Variants in ZMIZ1 observed in about 807,000 individuals in gnomAD.
ZMIZ1 encodes zinc finger MIZ domain-containing protein 1.
A neutral mutation model predicts 113.9 loss-of-function variants in ZMIZ1; 17 were observed. The observed-to-expected ratio is 0.15, with a 90% CI of 0.10 to 0.22. ZMIZ1 has a LOEUF of 0.22. Among genes scored for constraint, ZMIZ1 ranks in the 10% least tolerant of loss-of-function variants. ZMIZ1 has a pLI of 1.00. For synonymous variants in ZMIZ1, 607 were observed against 603.1 expected (o/e 1.01, Z -0.09); for missense variants, 1,059 against 1,477.8 (o/e 0.72, Z 4.65).
chr10:79,201,732 T>TG (rs1564716222), intron 5 of ZMIZ1, 40 bp downstream of exon 5: 1 of 1,603,152 alleles, frequency 6.2e-7, no homozygotes, highest in South Asian at 1.1e-5. Flanking sequence ...GCGGGGCAGA[T>TG]GGGGCGGGCT....
chr10:79,277,834 G>A (rs1852398765), intron 8 of ZMIZ1, among the ~76,000 whole-genome samples: 2 of 152,236 alleles, frequency 1.3e-5, no homozygotes, highest in South Asian at 4.1e-4. Context: ...ACCTGTGCCA[G>A]CCTCAGAAGG....
Position 79,158,863 on chromosome 10 carries a change from C to G in ZMIZ1, c.-130-3190C>G, listed in dbSNP as rs563667191. Among the ~76,000 whole-genome samples the G allele has an allele frequency of 3.9e-3, 591 of 152,358 alleles. 16 individuals carry two copies. Among genetic ancestry groups the G allele is most frequent in the Admixed American group, 2.2e-3 (33 of 15,308 alleles). On this transcript the variant is annotated intron_variant, in intron 3 of 24. Coordinates refer to ENST00000334512, the MANE Select transcript of ZMIZ1 (RefSeq NM_020338.4). ...TTCCAGCTGGACACCTCTGGCAGCC[C>G]CATCCTTCTCAGTGTCATGTTCTGC...
intron 16 of ZMIZ1, among the ~76,000 whole-genome samples, chr10:79,299,987 C>T (rs1466525003): frequency 1.3e-5 from 2 of 150,524 alleles, no homozygotes; most frequent in Admixed American, 1.3e-4. Flanking sequence ...AGCGCAAGAG[C>T]TGGGTCTGTG....
chr10:79,141,569 G>C (rs977890458), intron 3 of ZMIZ1, among the ~76,000 whole-genome samples: 3 of 152,062 alleles, frequency 2.0e-5, no homozygotes, highest in African/African-American at 4.8e-5. Context: ...CATCATGCCT[G>C]GCTAATTAGT....
intron 5 of ZMIZ1, among the ~76,000 whole-genome samples, chr10:79,203,009 G>T (rs568498699): frequency 6.6e-6 from 1 of 152,334 alleles, no homozygotes; most frequent in South Asian, 2.1e-4. Flanking sequence ...CCTGGTGTGT[G>T]GTGTCCATTG....
intron 1 of ZMIZ1, among the ~76,000 whole-genome samples, chr10:79,086,305 C>A (rs1842812412): frequency 6.6e-6 from 1 of 152,182 alleles, no homozygotes; most frequent in African/African-American, 2.4e-5. Flanking sequence ...ACTCCCTCAG[C>A]CCTCAGCCTT....
At chr10:79,265,470 T>C (rs1183897031) in intron 7 of ZMIZ1, among the ~76,000 whole-genome samples, 4 of 141,094 alleles carry the variant, frequency 2.8e-5, no homozygotes, top group African/African-American at 1.1e-4. Context: ...TTTCTTTTCT[T>C]TTTTTTTTTT....
chr10:79,112,014 G>A (rs1843765832), intron 1 of ZMIZ1, among the ~76,000 whole-genome samples: 1 of 152,246 alleles, frequency 6.6e-6, no homozygotes, highest in Admixed American at 6.5e-5. Context: ...AAAGGCCCTG[G>A]GGCATGAACA....
At chr10:79,304,952 G>A (rs992457453) in intron 19 of ZMIZ1, among the ~76,000 whole-genome samples, 1 of 152,166 alleles carries the variant, frequency 6.6e-6, no homozygotes, top group East Asian at 1.9e-4. Context: ...TTTGGGGCAT[G>A]GGAGGTGGTG....
intron 2 of ZMIZ1, among the ~76,000 whole-genome samples, chr10:79,133,328 C>G (rs928309310): frequency 2.6e-5 from 4 of 152,200 alleles, no homozygotes; most frequent in Non-Finnish European, 5.9e-5. Context: ...ATTGGGTGCT[C>G]TGCTGGTCTG....
At chr10:79,290,894 A>G (rs537729747) in intron 9 of ZMIZ1, 65 bp from the exon 10 acceptor site, 32 of 1,576,066 alleles carry the variant, frequency 2.0e-5, no homozygotes, top group African/African-American at 4.0e-5. Flanking sequence ...CTCTTCATTT[A>G]TCCCTCTTCC....
At chr10:79,241,799 C>T (rs188914894) in intron 7 of ZMIZ1, among the ~76,000 whole-genome samples, 1 of 152,162 alleles carries the variant, frequency 6.6e-6, no homozygotes, top group Admixed American at 6.5e-5. Context: ...CAGCCAGAGG[C>T]TGAGGCTGAG....
rs1554846541 is a variant in ZMIZ1, at chr10:79,075,576, C to CCTGCACACCTGCACACAT, written c.-337+6306_-337+6307insCTGCACACCTGCACACAT. ...ACACAGCTGCACACACATGCACACA[C>CCTGCACACCTGCACACAT]ATGCACACATGCACACCTGCACACA... On this transcript the variant is annotated intron_variant, in intron 1 of 24. Transcript: ENST00000334512. Among the ~76,000 whole-genome samples the CCTGCACACCTGCACACAT allele has an allele frequency of 7.8e-3, 1,170 of 149,370 alleles. 15 individuals carry two copies. The highest frequency in any genetic ancestry group is 0.028 in the African/African-American group (1,080 of 39,224).
intron 7 of ZMIZ1, among the ~76,000 whole-genome samples, chr10:79,227,144 G>A (rs1849229148): frequency 6.6e-6 from 1 of 152,172 alleles, no homozygotes; most frequent in Non-Finnish European, 1.5e-5. Context: ...AGCTGCCCCT[G>A]CTTTCTATGA....
At chr10:79,108,647 A>G (rs1843636793) in intron 1 of ZMIZ1, among the ~76,000 whole-genome samples, 1 of 152,078 alleles carries the variant, frequency 6.6e-6, no homozygotes, top group Admixed American at 6.5e-5. Flanking sequence ...CCAAATACCA[A>G]CCATCACCCC....
At chr10:79,199,420 CGCTTGAA>C in intron 4 of ZMIZ1, among the ~76,000 whole-genome samples, 1 of 151,984 alleles carries the variant, frequency 6.6e-6, no homozygotes, top group South Asian at 2.1e-4. Flanking sequence ...GCTGGAGAAT[CGCTTGAA>C]CCTGGGAGGC....
At chr10:79,242,306 G>A (rs1314552799) in intron 7 of ZMIZ1, among the ~76,000 whole-genome samples, 2 of 152,022 alleles carry the variant, frequency 1.3e-5, no homozygotes, top group Non-Finnish European at 2.9e-5. Flanking sequence ...GCGCGCAGCC[G>A]CCCCCGGCTT....
At chr10:79,262,245 A>T (rs1336129120) in intron 7 of ZMIZ1, among the ~76,000 whole-genome samples, 1 of 152,246 alleles carries the variant, frequency 6.6e-6, no homozygotes, top group Non-Finnish European at 1.5e-5. Flanking sequence ...CATCAGCAGC[A>T]CCTGAGACCT....
intron 7 of ZMIZ1, among the ~76,000 whole-genome samples, chr10:79,220,858 C>T (rs1375561439): frequency 6.7e-6 from 1 of 148,834 alleles, no homozygotes; most frequent in Non-Finnish European, 1.5e-5. Context: ...CTGTGTATGT[C>T]TGCATGGCTG....
Sources: gnomAD v4.1 joint callset for allele counts (sites outside exome capture counted in the v4.1 genomes callset) on GRCh38, gnomAD v4.1.1 for gene constraint, MANE v1.5 for transcripts, NCBI Gene and HGNC (gene_info 2026-07-23, HGNC 2026-07-21) for gene names.